The following GTF2IRD2B variants were observed in gnomAD, a reference collection of about 807,000 sequenced individuals.
GTF2IRD2B encodes GTF2I repeat domain containing 2B.
Under a neutral mutation model 55.6 loss-of-function variants are expected in GTF2IRD2B, and 10 were observed. That is an observed-to-expected ratio of 0.18 (90% CI 0.11 to 0.31). The LOEUF (loss-of-function observed/expected upper bound fraction) is 0.31. Among genes scored for constraint, GTF2IRD2B ranks in the 10% least tolerant of loss-of-function variants. The pLI is 1.00. For synonymous variants in GTF2IRD2B, 107 were observed against 320.5 expected (o/e 0.33, Z 7.12); for missense variants, 206 against 802.7 (o/e 0.26, Z 8.98).
intron 1 of GTF2IRD2B, among the ~76,000 whole-genome samples, chr7:75,103,653 G>A (rs1286159419): frequency 1.3e-5 from 2 of 151,716 alleles, no homozygotes; most frequent in African/African-American, 4.8e-5. Context: ...CAGAGAGCAG[G>A]AAGCACAGAG....
At chr7:75,103,418 G>A (rs1449451627) in intron 1 of GTF2IRD2B, among the ~76,000 whole-genome samples, 9 of 151,272 alleles carry the variant, frequency 5.9e-5, no homozygotes, top group Admixed American at 4.0e-4. Flanking sequence ...CTAAGCTGGC[G>A]TCACCTGCCT....
intron 3 of GTF2IRD2B, among the ~76,000 whole-genome samples, chr7:75,113,944 T>C (rs1350870495): frequency 2.7e-5 from 4 of 150,304 alleles, no homozygotes; most frequent in Non-Finnish European, 5.9e-5. Context: ...TATATACATA[T>C]GTATATAGAC....
chr7:75,101,422 G>A (rs1554449528), intron 1 of GTF2IRD2B, among the ~76,000 whole-genome samples: 1 of 150,368 alleles, frequency 6.7e-6, no homozygotes, highest in Non-Finnish European at 1.5e-5. Context: ...AAAATTAGCT[G>A]AGTGTCGTGG....
chr7:75,122,737 TTAAAAACAAAAA>T (rs1808419014), intron 4 of GTF2IRD2B, among the ~76,000 whole-genome samples: 1 of 119,368 alleles, frequency 8.4e-6, no homozygotes, highest in Non-Finnish European at 1.7e-5. Flanking sequence ...TGTCTCTTAA[TTAAAAACAAAAA>T]CAAAAACAAA....
At chr7:75,103,371 C>T (rs1554449762) in intron 1 of GTF2IRD2B, among the ~76,000 whole-genome samples, 1 of 151,316 alleles carries the variant, frequency 6.6e-6, no homozygotes, top group South Asian at 2.1e-4. Flanking sequence ...GTTCTCCTGG[C>T]ATGTGGTCCC....
chr7:75,121,325 G>A (rs2354111), intron 4 of GTF2IRD2B, among the ~76,000 whole-genome samples: 2 of 150,448 alleles, frequency 1.3e-5, no homozygotes, highest in Admixed American at 6.6e-5. Context: ...GTGAACCACC[G>A]CGCCCAGCCA....
At chr7:75,104,688 G>C (rs1356759290) in intron 1 of GTF2IRD2B, among the ~76,000 whole-genome samples, 1 of 152,278 alleles carries the variant, frequency 6.6e-6, no homozygotes, top group African/African-American at 2.4e-5. Flanking sequence ...TGGTGAATGG[G>C]AACTTAACAC....
At chr7:75,103,830 A>G (rs1395730275) in intron 1 of GTF2IRD2B, among the ~76,000 whole-genome samples, 2 of 148,648 alleles carry the variant, frequency 1.3e-5, no homozygotes, top group Non-Finnish European at 3.0e-5. Flanking sequence ...CAGGAGATCG[A>G]GACCATCCTG....
At chr7:75,137,219 A>T (rs1173158827) in intron 11 of GTF2IRD2B, among the ~76,000 whole-genome samples, 1 of 151,172 alleles carries the variant, frequency 6.6e-6, no homozygotes, top group Non-Finnish European at 1.5e-5. Context: ...AAAAAAAAAA[A>T]ATTGTGGGGA....
rs1290059700 is a variant in GTF2IRD2B, at chr7:75,149,482, A to T, written c.*185A>T. 3 of 584,788 alleles carry T rather than the reference A, an allele frequency of 5.1e-6. No homozygotes were observed. In the East Asian group the frequency reaches 8.6e-5, roughly 17 times the overall value. 36.2% of individuals were successfully genotyped at this position (584,788 alleles called of 1,614,324 possible). On this transcript the variant is annotated 3_prime_UTR_variant, in exon 16 of 16. Coordinates refer to ENST00000472837, the MANE Select transcript of GTF2IRD2B (RefSeq NM_001003795.3). ...TGCAACTTCCAGCTCCTGGGTTCGA[A>T]CGATTCTCCTGCCTCAGCCTCCCGA...
At chr7:75,132,358 C>CAA (rs1161370360) in intron 8 of GTF2IRD2B, among the ~76,000 whole-genome samples, 1 of 83,592 alleles carries the variant, frequency 1.2e-5, no homozygotes, top group Non-Finnish European at 2.2e-5. Flanking sequence ...GACTCTGTCT[C>CAA]AAAAAAAAAA....
At chr7:75,119,278 A>ATTGTCTT (rs1808287074) in intron 3 of GTF2IRD2B, among the ~76,000 whole-genome samples, 1 of 92,394 alleles carries the variant, frequency 1.1e-5, no homozygotes, top group Non-Finnish European at 2.1e-5. Flanking sequence ...ATTGGGGGCT[A>ATTGTCTT]TTGTCTTTAT....
At chr7:75,101,676 T>C (rs1554449553) in intron 1 of GTF2IRD2B, among the ~76,000 whole-genome samples, 1 of 150,686 alleles carries the variant, frequency 6.6e-6, no homozygotes, top group Non-Finnish European at 1.5e-5. Context: ...GTGGATCACC[T>C]GAGGTCAGGA....
chr7:75,103,421 ACCTGCCTGGCCCGATGCCT>A (rs1807647903), intron 1 of GTF2IRD2B, among the ~76,000 whole-genome samples: 1 of 151,136 alleles, frequency 6.6e-6, no homozygotes, highest in African/African-American at 2.4e-5. Context: ...AGCTGGCGTC[ACCTGCCTGGCCCGATGCCT>A]CCTCTGGTGT....
At chr7:75,121,464 T>C (rs1404721607) in intron 4 of GTF2IRD2B, among the ~76,000 whole-genome samples, 5 of 151,856 alleles carry the variant, frequency 3.3e-5, no homozygotes, top group Non-Finnish European at 5.9e-5. Flanking sequence ...CTAGTTCTTT[T>C]TTTTTTTTTT....
intron 1 of GTF2IRD2B, among the ~76,000 whole-genome samples, chr7:75,107,273 A>G (rs1807836037): frequency 1.3e-5 from 2 of 152,110 alleles, no homozygotes; most frequent in South Asian, 4.1e-4. Context: ...GCATAAAAAT[A>G]AATGTAAAAG....
chr7:75,132,609 C>T (rs1321444409), intron 8 of GTF2IRD2B, among the ~76,000 whole-genome samples: 1 of 102,854 alleles, frequency 9.7e-6, no homozygotes, highest in Admixed American at 1.4e-4. Flanking sequence ...AGCTGGAGTG[C>T]AGTGGCTCGA....
intron 8 of GTF2IRD2B, among the ~76,000 whole-genome samples, chr7:75,130,548 GCTCA>G (rs1808641275): frequency 6.6e-6 from 1 of 151,982 alleles, no homozygotes; most frequent in Non-Finnish European, 1.5e-5. Flanking sequence ...TGTGATCTCA[GCTCA>G]CTGCAACTTC....
intron 1 of GTF2IRD2B, among the ~76,000 whole-genome samples, chr7:75,105,207 A>AAC (rs1491183925): frequency 1.8e-5 from 2 of 110,444 alleles, no homozygotes; most frequent in South Asian, 2.7e-4. Flanking sequence ...AACAAAAAAC[A>AAC]AAAAAAAAAC....
Sources: allele counts gnomAD v4.1 joint callset (sites outside exome capture counted in the v4.1 genomes callset), GRCh38; gene constraint gnomAD v4.1.1; transcripts MANE v1.5; gene names NCBI Gene and HGNC (gene_info 2026-07-23, HGNC 2026-07-21).